REC114: variants seen among roughly 807,000 people sequenced by gnomAD.
REC114 encodes meiotic recombination protein REC114.
In REC114, 27 loss-of-function variants were observed where a neutral mutation model predicts 31.3. The observed-to-expected ratio is 0.86, with a 90% CI of 0.64 to 1.19. The LOEUF (loss-of-function observed/expected upper bound fraction) is 1.19, where lower values mean the gene tolerates loss of function less well. Among genes scored for constraint, REC114 ranks in the 50% most tolerant of loss-of-function variants. The pLI is 0.00. For synonymous variants in REC114, 134 were observed against 127.7 expected (o/e 1.05, Z -0.33); for missense variants, 344 against 326.9 (o/e 1.05, Z -0.40).
rs1894222666 is a variant in REC114, at chr15:73,540,499, C to T, written c.264C>T (p.Leu88=). The change falls in exon 3 of 6, where the codon CTC becomes CTT. Residue 88 remains leucine (L), a synonymous_variant. Transcript: ENST00000331090. ...QGQTLLEGFS[L]IGSKDWLKIV... ...TTTTGTTTCAGGAAGGGTTTTCACT[C>T]ATTGGTAGCAAGGACTGGTTGAAGA... The T allele has an allele frequency of 1.2e-6, 2 of 1,613,646 alleles. No individual in the cohort carries two copies. The highest frequency in any genetic ancestry group is 1.3e-5 in the African/African-American group (1 of 74,908).
chr15:73,463,936 G>C (rs80199986), intron 1 of REC114, among the ~76,000 whole-genome samples: 7,058 of 152,216 alleles, frequency 0.046, 196 homozygotes, highest in East Asian at 0.11. Context: ...GATATGTCTA[G>C]TTATTGATTT....
chr15:73,460,978 CTG>C (rs1330231497), intron 1 of REC114, among the ~76,000 whole-genome samples: 2 of 151,984 alleles, frequency 1.3e-5, no homozygotes, highest in Non-Finnish European at 2.9e-5. Flanking sequence ...TTTAAAAAGA[CTG>C]GATAATTTCA....
chr15:73,468,149 C>T (rs1183900935), intron 1 of REC114, among the ~76,000 whole-genome samples: 2 of 152,106 alleles, frequency 1.3e-5, no homozygotes, highest in African/African-American at 4.8e-5. Flanking sequence ...TTACAGGTTC[C>T]GGGTATTAGG....
At chr15:73,472,613 G>T (rs1278437875) in intron 1 of REC114, among the ~76,000 whole-genome samples, 1 of 152,138 alleles carries the variant, frequency 6.6e-6, no homozygotes, top group African/African-American at 2.4e-5. Flanking sequence ...TATTGTTTAT[G>T]TAAGGATGTT....
chr15:73,499,113 C>A (rs1342526291), intron 2 of REC114, among the ~76,000 whole-genome samples: 1 of 152,036 alleles, frequency 6.6e-6, no homozygotes, highest in Non-Finnish European at 1.5e-5. Context: ...CTCCAGATAA[C>A]AATGGCAAGC....
At chr15:73,547,825 G>A (rs934831750) in intron 3 of REC114, among the ~76,000 whole-genome samples, 3 of 152,134 alleles carry the variant, frequency 2.0e-5, no homozygotes, top group African/African-American at 7.2e-5. Flanking sequence ...TAAAAATGCT[G>A]GAAGACAACC....
chr15:73,443,394 G>C, intron 1 of REC114, 50 bp downstream of exon 1: 1 of 1,514,812 alleles, frequency 6.6e-7, no homozygotes, highest in Non-Finnish European at 8.8e-7. Flanking sequence ...GCCCTCAGGA[G>C]GGGAGGCTCC....
intron 2 of REC114, among the ~76,000 whole-genome samples, chr15:73,492,883 T>G (rs1893464595): frequency 1.3e-5 from 2 of 152,226 alleles, no homozygotes; most frequent in African/African-American, 4.8e-5. Flanking sequence ...CTTTTCCTTA[T>G]GTTTATTGGC....
intron 2 of REC114, among the ~76,000 whole-genome samples, chr15:73,482,967 G>C (rs1893315795): frequency 6.6e-6 from 1 of 151,010 alleles, no homozygotes; most frequent in Non-Finnish European, 1.5e-5. Context: ...CCTAGCAATA[G>C]TGCATGACAG....
intron 2 of REC114, among the ~76,000 whole-genome samples, chr15:73,524,900 A>C (rs1893985865): frequency 1.3e-5 from 2 of 152,152 alleles, no homozygotes; most frequent in African/African-American, 4.8e-5. Context: ...TGCCTGGCCC[A>C]AAAGCAGAGC....
At chr15:73,496,395 G>A (rs1405025251) in intron 2 of REC114, among the ~76,000 whole-genome samples, 1 of 145,214 alleles carries the variant, frequency 6.9e-6, no homozygotes, top group African/African-American at 2.6e-5. Context: ...AAAGTAGGCC[G>A]AGCGCGTAAT....
intron 2 of REC114, among the ~76,000 whole-genome samples, chr15:73,514,139 T>C (rs947837313): frequency 6.6e-6 from 1 of 151,906 alleles, no homozygotes; most frequent in African/African-American, 2.4e-5. Flanking sequence ...TGGGATATAG[T>C]CTCGTGGTGC....
At chr15:73,552,940 G>A (rs1483982130) in intron 4 of REC114, among the ~76,000 whole-genome samples, 1 of 151,976 alleles carries the variant, frequency 6.6e-6, no homozygotes, top group South Asian at 2.1e-4. Context: ...TCAGCCTCCC[G>A]AGTAGCTGGG....
At chr15:73,499,584 A>C (rs1893576694) in intron 2 of REC114, among the ~76,000 whole-genome samples, 1 of 152,112 alleles carries the variant, frequency 6.6e-6, no homozygotes, top group African/African-American at 2.4e-5. Context: ...CACTTTCTTT[A>C]GTCTCTTATT....
chr15:73,549,375 G>A (rs1378678998), intron 3 of REC114, among the ~76,000 whole-genome samples: 2 of 152,208 alleles, frequency 1.3e-5, no homozygotes, highest in African/African-American at 4.8e-5. Context: ...GGGAAGGGTA[G>A]TGGGGATGGT....
chr15:73,466,311 T>C (rs892623057), intron 1 of REC114, among the ~76,000 whole-genome samples: 4 of 152,014 alleles, frequency 2.6e-5, no homozygotes, highest in African/African-American at 9.7e-5. Context: ...TCCCAACACT[T>C]TGGGAGTCTG....
rs2141341669 is a variant in REC114 at position 73,559,871 on chromosome 15, A to G, written c.756A>G (p.Glu252=). The change falls in exon 6 of 6, where the codon GAA becomes GAG. Residue 252 remains glutamate (E), a synonymous_variant. Transcript: ENST00000331090. Reference sequence around the variant, plus strand: ...ATCAGAATTTCCCAGCATTTGTGGAAGAGGTAGAAAAGGAACTGAAAAAGC... The same window carrying G: ...ATCAGAATTTCCCAGCATTTGTGGAGGAGGTAGAAAAGGAACTGAAAAAGC... ...LMDQNFPAFV[E]EVEKELKKLA... The G allele has an allele frequency of 6.2e-7, 1 of 1,613,138 alleles. No individual in the cohort carries two copies. The highest frequency in any genetic ancestry group is 8.5e-7 in the Non-Finnish European group (1 of 1,179,598).
At chr15:73,487,273 C>T (rs1893383516) in intron 2 of REC114, among the ~76,000 whole-genome samples, 1 of 152,232 alleles carries the variant, frequency 6.6e-6, no homozygotes, top group African/African-American at 2.4e-5. Flanking sequence ...AAAGTCTTAA[C>T]TTGTTCCAGC....
intron 1 of REC114, among the ~76,000 whole-genome samples, chr15:73,472,472 CA>C (rs1893145092): frequency 6.6e-6 from 1 of 152,166 alleles, no homozygotes. Context: ...ATTAAAACTC[CA>C]AACCCCACGT....
Sources: gnomAD v4.1 joint callset for allele counts (sites outside exome capture counted in the v4.1 genomes callset) on GRCh38, gnomAD v4.1.1 for gene constraint, MANE v1.5 for transcripts, NCBI Gene and HGNC (gene_info 2026-07-23, HGNC 2026-07-21) for gene names.